Variants in KANK1 observed in about 807,000 individuals in gnomAD.
KANK1 encodes the protein KN motif and ankyrin repeat domains 1.
KANK1 carries 109 observed loss-of-function variants against 106.2 expected under a neutral mutation model. That is an observed-to-expected ratio of 1.03 (90% CI 0.88 to 1.20). KANK1 has a LOEUF of 1.20. KANK1 is among the 50% of genes most tolerant of loss of function. The probability of loss-of-function intolerance (pLI) is 0.00; values close to 1 mark genes in which losing one functional copy is unlikely to be tolerated. For synonymous variants in KANK1, 873 were observed against 652.2 expected (o/e 1.34, Z -5.16); for missense variants, 2,399 against 1,710.7 (o/e 1.40, Z -7.10).
chr9:662,371 C>G (rs1216805666), intron 1 of KANK1, among the ~76,000 whole-genome samples: 1 of 152,170 alleles, frequency 6.6e-6, no homozygotes, highest in Non-Finnish European at 1.5e-5. Flanking sequence ...ATTGCCAAGA[C>G]AGTCCTAAGC....
chr9:744,096 C>G (rs1836503273), intron 10 of KANK1, among the ~76,000 whole-genome samples: 1 of 152,192 alleles, frequency 6.6e-6, no homozygotes, highest in African/African-American at 2.4e-5. Context: ...TTTAGGATCA[C>G]AGTGCCCTCT....
chr9:593,300 C>A (rs978159296), intron 1 of KANK1, among the ~76,000 whole-genome samples: 10 of 151,800 alleles, frequency 6.6e-5, no homozygotes, highest in African/African-American at 1.2e-4. Flanking sequence ...TGTGCCCATT[C>A]TCACATATTC....
chr9:517,389 A>T (rs978241637), intron 1 of KANK1, among the ~76,000 whole-genome samples: 1 of 151,840 alleles, frequency 6.6e-6, no homozygotes, highest in African/African-American at 2.4e-5. Flanking sequence ...GGCGTGAGCC[A>T]CTGCGGCCCG....
At chr9:654,812 TGTGAGA>T (rs1237674010) in intron 1 of KANK1, among the ~76,000 whole-genome samples, 144 of 134,830 alleles carry the variant, frequency 1.1e-3, no homozygotes, top group East Asian at 4.5e-3. Flanking sequence ...TGTGTGTGTG[TGTGAGA>T]GAGAGAGAGA....
At position 497,584 on chromosome 9, in the gene KANK1, T is replaced by A. The variant is rs569366749; in HGVS notation, c.-362+24311T>A. Among the ~76,000 whole-genome samples the A allele has an allele frequency of 2.0e-4, 31 of 152,312 alleles. No homozygotes were observed. The Middle Eastern group carries it at 0.01, about 50-fold the overall frequency. On this transcript the variant is annotated intron_variant, in intron 3 of 15. Coordinates refer to the KANK1 transcript ENST00000382303. ...TAACTGTAGTATATAACCATTTTTT[T>A]AAATGAAATTAAGGAGAGTATAAAT...
At chr9:501,598 G>A (rs763286444), upstream of KANK1, among the ~76,000 whole-genome samples, 5 of 139,842 alleles carry the variant, frequency 3.6e-5, no homozygotes, top group South Asian at 2.3e-4. Context: ...ACAGGTATTC[G>A]CCCACGCACA....
chr9:742,635 C>T (rs563737030), intron 10 of KANK1, among the ~76,000 whole-genome samples: 2 of 152,274 alleles, frequency 1.3e-5, no homozygotes, highest in East Asian at 3.9e-4. Flanking sequence ...AGGCCCTACC[C>T]CAAAAATTCA....
Position 514,872 on chromosome 9 carries a change from C to T in KANK1, c.-84+10118C>T, listed in dbSNP as rs1038632104. Among the ~76,000 whole-genome samples, 6 of 151,760 alleles carry T rather than the reference C, an allele frequency of 4.0e-5. 1 individual carries two copies. The highest frequency in any genetic ancestry group is 2.1e-4 in the South Asian group (1 of 4,820). ...GTACCGTCAGAGTGGTTTTATCAAG[C>T]GGTATTCCCAGCAGTGGTGTATGAG... On this transcript the variant is annotated intron_variant, in intron 1 of 11. Coordinates refer to ENST00000382297, the MANE Select transcript of KANK1 (RefSeq NM_015158.5).
intron 1 of KANK1, among the ~76,000 whole-genome samples, chr9:630,470 A>G (rs941114217): frequency 4.8e-5 from 7 of 145,774 alleles, no homozygotes; most frequent in Non-Finnish European, 7.6e-5. Context: ...AGAATGGCGT[A>G]AACCCGGGAG....
At chr9:626,978 T>G (rs1006140300) in intron 1 of KANK1, among the ~76,000 whole-genome samples, 2 of 152,180 alleles carry the variant, frequency 1.3e-5, no homozygotes, top group African/African-American at 4.8e-5. Flanking sequence ...TTCCTTTTGG[T>G]GTTCTGTGTA....
intron 11 of KANK1, 197 bp downstream of exon 11, chr9:744,786 AC>A: frequency 6.8e-7 from 1 of 1,467,616 alleles, no homozygotes; most frequent in Non-Finnish European, 9.0e-7. Context: ...CAGAGGCTGG[AC>A]CTTGCTTGTC....
At chr9:492,817 G>A (rs984889103) in intron 3 of KANK1, among the ~76,000 whole-genome samples, 1 of 151,984 alleles carries the variant, frequency 6.6e-6, no homozygotes, top group African/African-American at 2.4e-5. Context: ...CTGAGGTCGG[G>A]AATTCGAGAC....
chr9:517,117 G>GT (rs1321007714), intron 1 of KANK1, among the ~76,000 whole-genome samples: 2 of 151,610 alleles, frequency 1.3e-5, no homozygotes, highest in Non-Finnish European at 2.9e-5. Context: ...GTTTGTTTTT[G>GT]TTTTTGTTTT....
In KANK1 at chr9:643,995, G is replaced by A. The variant is rs1016151777; in HGVS notation, c.-83-32895G>A. 3.3e-5 allele frequency among the ~76,000 whole-genome samples: 5 copies of A among 151,034 alleles called. 2 individuals are homozygous for A. Among genetic ancestry groups the A allele is most frequent in the African/African-American group, 9.9e-5 (4 of 40,396 alleles). On this transcript the variant is annotated intron_variant, in intron 1 of 11. Transcript: ENST00000382297. ...TGGGATTACAGGCGTGAGCTGCCAC[G>A]CCTGGCCTTGATTTGTTTTTGCATG...
At chr9:676,080 A>G (rs929375207) in intron 1 of KANK1, among the ~76,000 whole-genome samples, 1 of 152,190 alleles carries the variant, frequency 6.6e-6, no homozygotes, top group Non-Finnish European at 1.5e-5. Context: ...TTTCATCTCC[A>G]TCTTGGTTTT....
rs1285284798 is a variant in KANK1 at position 744,806 on chromosome 9, A to G, written c.3996+217A>G. On this transcript the variant is annotated intron_variant, in intron 11 of 11. Coordinates refer to ENST00000382297, the MANE Select transcript of KANK1 (RefSeq NM_015158.5). ...GCTGGACCTTGCTTGTCCTTGCAAG[A>G]CATATGCTCACAGCTTCCCATAGAG... 4 of 1,442,392 alleles carry G rather than the reference A, an allele frequency of 2.8e-6. No individual in the cohort carries two copies. The Admixed American group carries it at 1.0e-4, about 38-fold the overall frequency. 89.3% of individuals were successfully genotyped at this position (1,442,392 alleles called of 1,614,324 possible). A position where few individuals can be genotyped will look rare whatever the true frequency, so the allele number is the denominator to read the frequency against.
intron 1 of KANK1, among the ~76,000 whole-genome samples, chr9:553,508 G>C (rs765121407): frequency 1.2e-4 from 18 of 152,062 alleles, no homozygotes; most frequent in Non-Finnish European, 2.5e-4. Context: ...ATCTTCTCAG[G>C]GTCCTTGATC....
intron 1 of KANK1, among the ~76,000 whole-genome samples, chr9:641,327 G>A (rs971736332): frequency 1.3e-5 from 2 of 152,192 alleles, no homozygotes; most frequent in East Asian, 1.9e-4. Flanking sequence ...CCTAATCGTC[G>A]TTTCCTGAGT....
At chr9:734,676 T>G in intron 6 of KANK1, 72 bp from the exon 7 acceptor site, 1 of 1,135,838 alleles carries the variant, frequency 8.8e-7, no homozygotes, top group South Asian at 1.3e-5. Context: ...AAAAAAAAAA[T>G]TAGATATTTG....
Sources: gnomAD v4.1 joint callset for allele counts (sites outside exome capture counted in the v4.1 genomes callset) on GRCh38, gnomAD v4.1.1 for gene constraint, MANE v1.5 for transcripts, NCBI Gene and HGNC (gene_info 2026-07-23, HGNC 2026-07-21) for gene names.